The following ITGB2 variants were observed in gnomAD, a reference collection of about 807,000 sequenced individuals.
The protein encoded by ITGB2 is integrin beta-2.
Under a neutral mutation model 86.8 loss-of-function variants are expected in ITGB2, and 56 were observed. That is an observed-to-expected ratio of 0.65 (90% confidence interval 0.52 to 0.81). The LOEUF (loss-of-function observed/expected upper bound fraction) is 0.81. Among genes scored for constraint, ITGB2 ranks in the 30% least tolerant of loss-of-function variants. ITGB2 has a pLI of 0.00. For missense variants in ITGB2, 948 were observed against 1,061.2 expected, an observed-to-expected ratio of 0.89 and a Z score of 1.48; for synonymous variants, 457 against 450.4, an observed-to-expected ratio of 1.01 and a Z score of -0.19.
rs745744292 is a variant in ITGB2 at position 44,889,281 on chromosome 21, C to G, written c.1872G>C (p.Lys624Asn). The G allele has an allele frequency of 5.6e-6, 9 of 1,612,548 alleles. No homozygotes were observed. The highest frequency in any genetic ancestry group is 2.2e-5 in the East Asian group (1 of 44,872). ...CCTGCTCCGCCTGCACTCACATGTACTTGCCACAGGGTGAGGGGCAGCCGG... is the reference window on the plus strand; with the variant it reads ...CCTGCTCCGCCTGCACTCACATGTAGTTGCCACAGGGTGAGGGGCAGCCGG... ...ECPGCPSPCG[K>N]YISCAECLKF... The change falls in exon 13 of 16, where the codon AAG becomes AAC. Residue 624 changes from lysine (K) to asparagine (N), a missense_variant. Lys to Asn is a moderately conservative substitution (Grantham distance 94). Coordinates refer to ENST00000652462, the MANE Select transcript of ITGB2 (RefSeq NM_000211.5).
intron 5 of ITGB2, among the ~76,000 whole-genome samples, chr21:44,902,913 A>G (rs1336011788): frequency 6.6e-6 from 1 of 152,194 alleles, no homozygotes; most frequent in Non-Finnish European, 1.5e-5. Context: ...ATGCGCTGTG[A>G]CTGACACACA....
chr21:44,918,935 A>AGCATCCCCTCTCCCAGCCCTCGGAGCTG lies in ITGB2; in HGVS notation c.-4+1885_-4+1886insCAGCTCCGAGGGCTGGGAGAGGGGATGC, dbSNP rs1601334608. ...TTGAGGCAAAGGCCCTTGGGTGGCT[A>AGCATCCCCTCTCCCAGCCCTCGGAGCTG]AGCGTCCCCTCTCCCAGCACTCGGA... On this transcript the variant is annotated intron_variant, in intron 1 of 15. Coordinates refer to ENST00000652462, the MANE Select transcript of ITGB2 (RefSeq NM_000211.5). Among the ~76,000 whole-genome samples, 4 of 111,810 alleles carry AGCATCCCCTCTCCCAGCCCTCGGAGCTG rather than the reference A, an allele frequency of 3.6e-5. 1 individual carries two copies. Among genetic ancestry groups the AGCATCCCCTCTCCCAGCCCTCGGAGCTG allele is most frequent in the Non-Finnish European group, 5.6e-5 (3 of 53,686 alleles). The allele number at this position is 111,810 out of a possible 152,430, so 73.4% of individuals were successfully genotyped here.
chr21:44,902,571 G>A (rs1274463247), intron 5 of ITGB2, among the ~76,000 whole-genome samples: 1 of 152,094 alleles, frequency 6.6e-6, no homozygotes, highest in Non-Finnish European at 1.5e-5. Flanking sequence ...ATTTGAGTTT[G>A]GGTGTGCTTT....
At chr21:44,924,954 G>A (rs545832891), upstream of ITGB2, among the ~76,000 whole-genome samples, 2 of 152,278 alleles carry the variant, frequency 1.3e-5, no homozygotes, top group South Asian at 4.1e-4. Context: ...AGAAGGCTAC[G>A]GGCCTGGGAG....
rs560228628 is a variant in ITGB2 at position 44,919,704 on chromosome 21, C to G, written c.-4+1117G>C. 1.2e-4 allele frequency among the ~76,000 whole-genome samples: 18 copies of G among 152,364 alleles called. No individual in the cohort carries two copies. In the South Asian group the frequency reaches 1.2e-3, roughly 11 times the overall value. On this transcript the variant is annotated intron_variant, in intron 1 of 15. Transcript: ENST00000652462. ...GGCTGAGCTCTCCGGCCATCCCCCCCCTTCCCCATTGCAGCCATGCCACCC... is the reference window on the plus strand; with the variant it reads ...GGCTGAGCTCTCCGGCCATCCCCCCGCTTCCCCATTGCAGCCATGCCACCC...
chr21:44,903,022 C>T (rs2083988509), intron 5 of ITGB2, among the ~76,000 whole-genome samples: 1 of 152,166 alleles, frequency 6.6e-6, no homozygotes, highest in Non-Finnish European at 1.5e-5. Context: ...GTGCTGCCGT[C>T]GCTGTGCCGT....
chr21:44,903,400 C>T lies in ITGB2; in HGVS notation c.464G>A (p.Arg155Gln), dbSNP rs778870549. 16 of 1,613,922 alleles carry T rather than the reference C, an allele frequency of 9.9e-6. No homozygotes were observed. The highest frequency in any genetic ancestry group is 6.7e-5 in the East Asian group (3 of 44,876). Residue 155 changes from arginine (R) to glutamine (Q), a missense_variant, in exon 5 of 16, where the codon CGG becomes CAG. By Grantham distance (43) the Arg-to-Gln change is conservative. Transcript: ENST00000652462. ...GGACTCGGTGATCTCGTTGAGGGCC[C>T]GGAGCAGGTCGCCACCTAGCTTCTT... ...NVKKLGGDLL[R>Q]ALNEITESGR...
At chr21:44,889,129 C>T (rs1163121981) in intron 13 of ITGB2, 147 bp downstream of exon 13, 12 of 790,382 alleles carry the variant, frequency 1.5e-5, no homozygotes, top group Admixed American at 4.4e-5. Flanking sequence ...GCACGGCGGC[C>T]GCGGAGGGCC....
At chr21:44,910,078 A>G (rs1164139078) in intron 3 of ITGB2, among the ~76,000 whole-genome samples, 2 of 152,246 alleles carry the variant, frequency 1.3e-5, no homozygotes, top group African/African-American at 2.4e-5. Context: ...GAGAAAAAAT[A>G]CAAGTGTGTG....
In ITGB2 at chr21:44,915,301, G is replaced by A. The variant is rs540929115; in HGVS notation, c.-3-4516C>T. Among the ~76,000 whole-genome samples the A allele has an allele frequency of 1.2e-4, 19 of 152,280 alleles. No individual in the cohort carries two copies. The South Asian group carries it at 3.9e-3, about 32-fold the overall frequency. On this transcript the variant is annotated intron_variant, in intron 1 of 15. Transcript: ENST00000652462. ...GGCCTCCCAAAGTGCTGGGATTACAGGCGTGAGCCACCGTGCCCAGTCTCA... is the reference window on the plus strand; with the variant it reads ...GGCCTCCCAAAGTGCTGGGATTACAAGCGTGAGCCACCGTGCCCAGTCTCA...
intron 3 of ITGB2, among the ~76,000 whole-genome samples, chr21:44,907,359 T>C (rs771961349): frequency 3.9e-5 from 6 of 152,218 alleles, no homozygotes; most frequent in Non-Finnish European, 7.3e-5. Context: ...ACTCAGGACC[T>C]ACTCTCCAGC....
chr21:44,919,627 G>A (rs558878011), intron 1 of ITGB2, among the ~76,000 whole-genome samples: 6 of 152,192 alleles, frequency 3.9e-5, no homozygotes, highest in Non-Finnish European at 5.9e-5. Flanking sequence ...CCACCGTCAC[G>A]GGGAAGGCGA....
chr21:44,899,098 G>A lies in ITGB2; in HGVS notation c.962C>T (p.Ala321Val), dbSNP rs749222328. 4 of 1,613,978 alleles carry A rather than the reference G, an allele frequency of 2.5e-6. No homozygotes were observed. The highest frequency in any genetic ancestry group is 1.1e-5 in the South Asian group (1 of 91,092). ...GGTCTTCACCATCCTACTGGTCACC[G>A]CGAAGATGGGCTGGATGTTGTTTTC... ...LAENNIQPIF[A>V]VTSRMVKTYE... is the part of the protein sequence containing the mutation. Residue 321 changes from alanine (A) to valine (V), a missense_variant, in exon 8 of 16, where the codon GCG becomes GTG. Ala to Val is a moderately conservative substitution (Grantham distance 64). Transcript: ENST00000652462.
At chr21:44,895,705 G>C (rs1338426972) in intron 8 of ITGB2, among the ~76,000 whole-genome samples, 1 of 151,694 alleles carries the variant, frequency 6.6e-6, no homozygotes, top group Non-Finnish European at 1.5e-5. Flanking sequence ...GCTGGGCGTG[G>C]TGGTGGGCAC....
chr21:44,895,876 A>G (rs13049353), intron 8 of ITGB2, among the ~76,000 whole-genome samples: 27,219 of 121,094 alleles, frequency 0.22, 2,840 homozygotes, highest in Middle Eastern at 0.34. Flanking sequence ...GAAATGAAAT[A>G]AAAAAATAAA....
chr21:44,908,133 C>T (rs762004170), intron 3 of ITGB2: 41 of 735,848 alleles, frequency 5.6e-5, no homozygotes, highest in Admixed American at 1.9e-4. Flanking sequence ...GCTTCTCCTC[C>T]GGGGACTGCT....
At chr21:44,900,773 G>A (rs554606033) in intron 6 of ITGB2, among the ~76,000 whole-genome samples, 2 of 152,206 alleles carry the variant, frequency 1.3e-5, no homozygotes, top group Admixed American at 1.3e-4. Flanking sequence ...AAACCCTCAG[G>A]AAACCATCCC....
intron 1 of ITGB2, among the ~76,000 whole-genome samples, chr21:44,920,526 G>A (rs1054095544): frequency 6.6e-6 from 1 of 152,138 alleles, no homozygotes; most frequent in Non-Finnish European, 1.5e-5. Context: ...AGGGGCTTGT[G>A]GGCCCAGCCT....
At chr21:44,888,946 G>A (rs777337113) in intron 13 of ITGB2, 51 bp from the exon 14 acceptor site, 2 of 1,556,644 alleles carry the variant, frequency 1.3e-6, no homozygotes, top group South Asian at 2.2e-5. Flanking sequence ...GGGGGCTCCG[G>A]CAACGGGGGC....
Sources: gnomAD v4.1 joint callset for allele counts (sites outside exome capture counted in the v4.1 genomes callset) on GRCh38, gnomAD v4.1.1 for gene constraint, MANE v1.5 for transcripts, NCBI Gene and HGNC (gene_info 2026-07-23, HGNC 2026-07-21) for gene names.